TG: variants seen among roughly 807,000 people sequenced by gnomAD.
TG encodes thyroid hormones.
A neutral mutation model predicts 324.7 loss-of-function variants in TG; 270 were observed. The ratio of observed to expected loss-of-function variants is 0.83; its 90% CI spans 0.75 to 0.92. The LOEUF (loss-of-function observed/expected upper bound fraction) is 0.92. TG is among the 40% of genes least tolerant of loss of function. TG has a pLI of 0.00. For synonymous variants in TG, 1,401 were observed against 1,327.0 expected (o/e 1.06, Z -1.21); for missense variants, 3,591 against 3,456.4 (o/e 1.04, Z -0.98).
intron 43 of TG, among the ~76,000 whole-genome samples, chr8:133,100,157 A>T (rs1211464605): frequency 1.3e-5 from 2 of 152,172 alleles, no homozygotes; most frequent in East Asian, 3.9e-4. Context: ...GGCTGAGCAC[A>T]TCCCATATCA....
At chr8:132,985,225 C>T (rs1280725431) in intron 35 of TG, among the ~76,000 whole-genome samples, 1 of 152,156 alleles carries the variant, frequency 6.6e-6, no homozygotes, top group Non-Finnish European at 1.5e-5. Context: ...TCCATGCAGA[C>T]AAAGCTGTGT....
Position 132,893,740 on chromosome 8 carries a change from G to A in TG, c.2812G>A (p.Glu938Lys), listed in dbSNP as rs144017276. 3.2e-5 allele frequency: 51 copies of A among 1,613,812 alleles called. No homozygotes were observed. Among genetic ancestry groups the A allele is most frequent in the Non-Finnish European group, 3.7e-5 (44 of 1,179,900 alleles). ...GCTCCGTGTACTGCAGTTCATTAGG[G>A]AAACGGAAGAGATTGTTTCAGCTTC... is the stretch of plus-strand genomic sequence containing the variant. ...AKLRVLQFIR[E>K]TEEIVSASNS... The change falls in exon 11 of 48, where the codon GAA becomes AAA. Residue 938 changes from glutamate (E) to lysine (K), a missense_variant. Glu to Lys is a moderately conservative substitution (Grantham distance 56). Coordinates refer to ENST00000220616, the MANE Select transcript of TG (RefSeq NM_003235.5).
intron 41 of TG, among the ~76,000 whole-genome samples, chr8:133,082,845 C>A (rs906569844): frequency 2.0e-5 from 3 of 152,140 alleles, no homozygotes; most frequent in Non-Finnish European, 4.4e-5. Context: ...TGATAAGATT[C>A]TGTTATTGTT....
rs374290910 is a variant in TG at position 132,911,361 on chromosome 8, G to A, written c.4003-16G>A. 1.9e-6 allele frequency: 3 copies of A among 1,614,178 alleles called. No homozygotes were observed. Among genetic ancestry groups the A allele is most frequent in the Non-Finnish European group, 1.7e-6 (2 of 1,180,030 alleles). On this transcript the variant is annotated splice_polypyrimidine_tract_variant and intron_variant, in intron 18 of 47. Transcript: ENST00000220616. ...TACTCTGTGTTCTTGAGCTGAAAGTGTCTGTCTTCTTGTAGGTGAAGACTT... is the reference window on the plus strand; with the variant it reads ...TACTCTGTGTTCTTGAGCTGAAAGTATCTGTCTTCTTGTAGGTGAAGACTT...
intron 41 of TG, chr8:133,059,080 C>A (rs965005047): frequency 2.6e-5 from 12 of 456,292 alleles, no homozygotes; most frequent in Admixed American, 1.4e-4. Context: ...AGCGCAGGAA[C>A]CTGGCTCAGT....
intron 41 of TG, among the ~76,000 whole-genome samples, chr8:133,068,690 A>G (rs1166606106): frequency 6.6e-6 from 1 of 152,214 alleles, no homozygotes; most frequent in African/African-American, 2.4e-5. Flanking sequence ...GTGTCAGTAC[A>G]GTGAGTGGGC....
chr8:133,133,619 C>T lies in TG; in HGVS notation c.8147C>T (p.Ser2716Phe), dbSNP rs115574138. 138 of 1,614,184 alleles carry T rather than the reference C, an allele frequency of 8.5e-5. No homozygotes were observed. The African/African-American group carries it at 1.1e-3, about 13-fold the overall frequency. Residue 2716 changes from serine to phenylalanine, a missense_variant, in exon 47 of 48, where the codon TCC becomes TTC. Physicochemically the swap from Ser to Phe is radical, Grantham distance 155 (BLOSUM62 -2). Transcript: ENST00000220616. The part of the protein sequence containing the change: ...NRQGLKKADC[S>F]FWSKYISSLK... Reference sequence around the variant, plus strand: ...CAGGGCCTGAAGAAAGCCGACTGCTCCTTCTGGTCCAAGTACATCTCGTCT... The same window carrying T: ...CAGGGCCTGAAGAAAGCCGACTGCTTCTTCTGGTCCAAGTACATCTCGTCT...
intron 35 of TG, among the ~76,000 whole-genome samples, chr8:132,993,493 G>A (rs143002264): frequency 6.6e-6 from 1 of 152,332 alleles, no homozygotes; most frequent in African/African-American, 2.4e-5. Flanking sequence ...ACATAAAATG[G>A]CTGTACTCAA....
chr8:133,049,802 G>C, intron 41 of TG: 1 of 851,878 alleles, frequency 1.2e-6, no homozygotes, highest in South Asian at 1.4e-5. Context: ...TTGACCCAGT[G>C]CCTTCCTTAC....
chr8:133,113,657 C>A, intron 44 of TG, 54 bp downstream of exon 44: 1 of 1,586,288 alleles, frequency 6.3e-7, no homozygotes, highest in Non-Finnish European at 8.6e-7. Context: ...TTGGAGCAGA[C>A]TCAGTTGGTG....
At chr8:133,039,261 T>C (rs1345697342) in intron 41 of TG, among the ~76,000 whole-genome samples, 1 of 152,250 alleles carries the variant, frequency 6.6e-6, no homozygotes, top group Non-Finnish European at 1.5e-5. Context: ...ATTTTAATTC[T>C]GGTTCTTACA....
intron 41 of TG, chr8:133,049,450 ATAT>A (rs1300124318): frequency 7.1e-6 from 2 of 280,064 alleles, no homozygotes; most frequent in African/African-American, 4.4e-5. Flanking sequence ...ATATTATCAT[ATAT>A]TATTATCCCT....
At chr8:133,078,641 G>A (rs1310712087) in intron 41 of TG, among the ~76,000 whole-genome samples, 1 of 152,162 alleles carries the variant, frequency 6.6e-6, no homozygotes, top group Non-Finnish European at 1.5e-5. Flanking sequence ...GCATGTAACT[G>A]TACTGTGTGC....
At chr8:133,059,282 G>A (rs1298807441) in intron 41 of TG, 3 of 373,754 alleles carry the variant, frequency 8.0e-6, no homozygotes, top group African/African-American at 2.1e-5. Context: ...TTCCCTAACC[G>A]TCCCTTTCCC....
Position 132,887,479 on chromosome 8 carries a change from T to A in TG, c.2107T>A (p.Cys703Ser), listed in dbSNP as rs754589271. 18 of 1,614,008 alleles carry A rather than the reference T, an allele frequency of 1.1e-5. No homozygotes were observed. The South Asian group carries it at 1.9e-4, about 17-fold the overall frequency. Reference sequence around the variant, plus strand: ...GCCTGTCCAGTGCTTCAACTCAGAGTGCTACTGTGTTGATGCTGAGGGTCA... The same window carrying A: ...GCCTGTCCAGTGCTTCAACTCAGAGAGCTACTGTGTTGATGCTGAGGGTCA... Reference protein sequence around the residue: ...FLPVQCFNSECYCVDAEGQAI... With the variant: ...FLPVQCFNSESYCVDAEGQAI... Residue 703 changes from cysteine to serine, a missense_variant, in exon 9 of 48, where the codon TGC (cysteine) becomes AGC (serine). Coordinates refer to ENST00000220616, the MANE Select transcript of TG (RefSeq NM_003235.5).
At chr8:133,008,062 A>C (rs924851748) in intron 35 of TG, among the ~76,000 whole-genome samples, 5 of 152,226 alleles carry the variant, frequency 3.3e-5, no homozygotes, top group African/African-American at 1.2e-4. Context: ...TGAAAATATA[A>C]TGGAATAATA....
intron 41 of TG, chr8:133,060,303 TTGC>T: frequency 6.4e-7 from 1 of 1,569,854 alleles, no homozygotes; most frequent in Non-Finnish European, 8.6e-7. Flanking sequence ...TTCTGGCAGC[TTGC>T]TTCTTGAAAG....
intron 5 of TG, among the ~76,000 whole-genome samples, chr8:132,875,645 T>G (rs1031577391): frequency 1.7e-4 from 26 of 152,248 alleles, no homozygotes; most frequent in African/African-American, 6.3e-4. Context: ...AATTCACAGC[T>G]ATTTCCACAA....
chr8:133,100,807 CT>C (rs1462651814), intron 43 of TG, among the ~76,000 whole-genome samples: 2 of 152,012 alleles, frequency 1.3e-5, no homozygotes, highest in East Asian at 1.9e-4. Context: ...TACCCACATT[CT>C]TTTTTTTCTG....
Sources: gnomAD v4.1 joint callset for allele counts (sites outside exome capture counted in the v4.1 genomes callset) on GRCh38, gnomAD v4.1.1 for gene constraint, MANE v1.5 for transcripts, NCBI Gene and HGNC (gene_info 2026-07-23, HGNC 2026-07-21) for gene names.